Variants in GUCY1B1 observed in about 807,000 individuals in gnomAD.
The protein encoded by GUCY1B1 is guanylate cyclase 1 soluble subunit beta 1.
Under a neutral mutation model 71.0 loss-of-function variants are expected in GUCY1B1, and 43 were observed. The observed-to-expected ratio is 0.61, with a 90% CI of 0.47 to 0.78. The LOEUF (loss-of-function observed/expected upper bound fraction) is 0.78, where lower values mean the gene tolerates loss of function less well. GUCY1B1 is among the 30% of genes least tolerant of loss of function. GUCY1B1 has a pLI of 0.00. For synonymous variants in GUCY1B1, 266 were observed against 259.7 expected (o/e 1.02, Z -0.23); for missense variants, 535 against 754.1 (o/e 0.71, Z 3.40).
At chr4:155,791,271 C>A (rs914530677) in intron 5 of GUCY1B1, among the ~76,000 whole-genome samples, 2 of 151,438 alleles carry the variant, frequency 1.3e-5, no homozygotes, top group African/African-American at 4.8e-5. Flanking sequence ...CCCACCACCA[C>A]GCCCGGCTAA....
At chr4:155,780,992 A>G (rs1738380283) in intron 4 of GUCY1B1, among the ~76,000 whole-genome samples, 1 of 152,064 alleles carries the variant, frequency 6.6e-6, no homozygotes, top group Admixed American at 6.6e-5. Context: ...AGCAACTCTG[A>G]CTCACTCATC....
chr4:155,791,333 T>TCTCTCTATCCTGGC (rs1201224099), intron 5 of GUCY1B1, among the ~76,000 whole-genome samples: 1 of 147,926 alleles, frequency 6.8e-6, no homozygotes, highest in Non-Finnish European at 1.5e-5. Context: ...GCCAGGATGG[T>TCTCTCTATCCTGGC]CTCTCTCTCC....
At chr4:155,762,320 TAA>T (rs887511485) in intron 2 of GUCY1B1, among the ~76,000 whole-genome samples, 2 of 149,116 alleles carry the variant, frequency 1.3e-5, no homozygotes, top group African/African-American at 4.8e-5. Context: ...AAATTGAATA[TAA>T]GAGGAAAAAC....
At chr4:155,767,641 C>A (rs1737424676) in intron 2 of GUCY1B1, among the ~76,000 whole-genome samples, 1 of 152,022 alleles carries the variant, frequency 6.6e-6, no homozygotes, top group African/African-American at 2.4e-5. Context: ...AAAGGACTGA[C>A]CTTTACTAAC....
intron 4 of GUCY1B1, among the ~76,000 whole-genome samples, chr4:155,782,058 T>A (rs1738460119): frequency 1.3e-5 from 2 of 152,052 alleles, no homozygotes; most frequent in African/African-American, 4.8e-5. Context: ...TGTCTTTTTT[T>A]GCGTTTTTTA....
At chr4:155,779,551 C>T (rs1244281284) in intron 4 of GUCY1B1, among the ~76,000 whole-genome samples, 1 of 152,018 alleles carries the variant, frequency 6.6e-6, no homozygotes, top group African/African-American at 2.4e-5. Flanking sequence ...AATGAAGAAA[C>T]TAGAAAGTTA....
intron 2 of GUCY1B1, among the ~76,000 whole-genome samples, chr4:155,764,595 T>C (rs1394609674): frequency 6.6e-6 from 1 of 152,198 alleles, no homozygotes; most frequent in Non-Finnish European, 1.5e-5. Flanking sequence ...ACTTCCTCAG[T>C]ACAAATAAAC....
intron 2 of GUCY1B1, among the ~76,000 whole-genome samples, chr4:155,766,716 G>T (rs1737359761): frequency 6.6e-6 from 1 of 152,098 alleles, no homozygotes; most frequent in Admixed American, 6.6e-5. Context: ...TATGTCAAAA[G>T]ACAATTACTA....
chr4:155,779,195 G>A (rs756871478), intron 4 of GUCY1B1, among the ~76,000 whole-genome samples: 55 of 152,142 alleles, frequency 3.6e-4, no homozygotes, highest in Non-Finnish European at 6.9e-4. Context: ...TGAGATGGGA[G>A]GATCACTTGA....
At chr4:155,783,295 A>G (rs1025698568) in intron 4 of GUCY1B1, among the ~76,000 whole-genome samples, 1 of 152,218 alleles carries the variant, frequency 6.6e-6, no homozygotes, top group African/African-American at 2.4e-5. Context: ...CATTATTATT[A>G]CATTATATTG....
At chr4:155,798,573 A>T (rs1483222242) in intron 8 of GUCY1B1, among the ~76,000 whole-genome samples, 2 of 152,118 alleles carry the variant, frequency 1.3e-5, no homozygotes, top group African/African-American at 4.8e-5. Flanking sequence ...AGGTATGCTA[A>T]TTTTTGTTTT....
intron 6 of GUCY1B1, 92 bp from the exon 7 acceptor site, chr4:155,795,249 A>G: frequency 1.7e-6 from 1 of 594,092 alleles, no homozygotes; most frequent in Non-Finnish European, 2.9e-6. Flanking sequence ...AGTTTTAAAT[A>G]TAACTGAGCT....
At chr4:155,788,826 T>G (rs1262046906) in intron 4 of GUCY1B1, among the ~76,000 whole-genome samples, 2 of 152,210 alleles carry the variant, frequency 1.3e-5, no homozygotes, top group Non-Finnish European at 2.9e-5. Context: ...TACCATGCTG[T>G]GCTGTGTGTA....
In GUCY1B1 at chr4:155,796,421, G is replaced by A. The variant is rs200359355; in HGVS notation, c.888G>A (p.Leu296=). 6.2e-7 allele frequency: 1 copy of A among 1,612,912 alleles called. No individual in the cohort carries two copies. The highest frequency in any genetic ancestry group is 2.2e-5 in the East Asian group (1 of 44,856). Residue 296 remains leucine (L), a synonymous_variant, in exon 8 of 14, where the codon CTG becomes CTA. Coordinates refer to ENST00000264424, the MANE Select transcript of GUCY1B1 (RefSeq NM_000857.5). ...AGAAATTAGAATGTGAGGATGAACTGACTGGGACTGAGATCAGCTGCTTAC... is the reference window on the plus strand; with the variant it reads ...AGAAATTAGAATGTGAGGATGAACTAACTGGGACTGAGATCAGCTGCTTAC... The part of the protein sequence containing the change: ...DVEKLECEDE[L]TGTEISCLRL...
At chr4:155,794,517 G>A (rs1290443696) in intron 6 of GUCY1B1, among the ~76,000 whole-genome samples, 1 of 152,180 alleles carries the variant, frequency 6.6e-6, no homozygotes, top group African/African-American at 2.4e-5. Flanking sequence ...AAATGATAGA[G>A]ATGATGATGG....
At chr4:155,764,301 G>A (rs1737189541) in intron 2 of GUCY1B1, among the ~76,000 whole-genome samples, 1 of 152,074 alleles carries the variant, frequency 6.6e-6, no homozygotes, top group African/African-American at 2.4e-5. Flanking sequence ...CCAAAGTTTT[G>A]TTCTCTCTAT....
intron 4 of GUCY1B1, among the ~76,000 whole-genome samples, chr4:155,783,805 A>C (rs2111076487): frequency 6.6e-6 from 1 of 152,314 alleles, no homozygotes; most frequent in South Asian, 2.1e-4. Context: ...TCTTAAGAAA[A>C]AAGAGCACCA....
chr4:155,763,597 T>C (rs968515907), intron 2 of GUCY1B1, among the ~76,000 whole-genome samples: 1 of 152,234 alleles, frequency 6.6e-6, no homozygotes, highest in Non-Finnish European at 1.5e-5. Flanking sequence ...TATTTTGTTT[T>C]TATTTTCCTG....
Position 155,789,658 on chromosome 4 carries a change from GT to G in GUCY1B1, c.298-55del, listed in dbSNP as rs1739025421. 5.9e-6 allele frequency: 6 copies of G among 1,011,774 alleles called. No individual in the cohort carries two copies. The South Asian group carries it at 6.2e-5, about 10-fold the overall frequency. The allele number at this position is 1,011,774 out of a possible 1,614,324, so 62.7% of individuals were successfully genotyped here. ...CGTTTTCATATCTTGCTTTCCCAGA[GT>G]CTGCTGTCATTGCGAAAGCATTGTT... On this transcript the variant is annotated intron_variant, in intron 4 of 13. Transcript: ENST00000264424.
Sources: allele counts gnomAD v4.1 joint callset (sites outside exome capture counted in the v4.1 genomes callset), GRCh38; gene constraint gnomAD v4.1.1; transcripts MANE v1.5; gene names NCBI Gene and HGNC (gene_info 2026-07-23, HGNC 2026-07-21).